SLC24A2: variants seen among roughly 807,000 people sequenced by gnomAD.
SLC24A2 encodes solute carrier family 24 member 2.
In SLC24A2, 36 loss-of-function variants were observed where a neutral mutation model predicts 62.0. The observed-to-expected ratio is 0.58, with a 90% confidence interval of 0.44 to 0.77. SLC24A2 has a LOEUF of 0.77. Among genes scored for constraint, SLC24A2 ranks in the 30% least tolerant of loss-of-function variants. The probability of loss-of-function intolerance (pLI) is 0.00; values close to 1 mark genes in which losing one functional copy is unlikely to be tolerated. For synonymous variants in SLC24A2, 358 were observed against 294.0 expected (o/e 1.22, Z -2.23); for missense variants, 846 against 817.9 (o/e 1.03, Z -0.42).
chr9:19,628,455 T>C (rs1349082374), intron 2 of SLC24A2, among the ~76,000 whole-genome samples: 1 of 152,194 alleles, frequency 6.6e-6, no homozygotes, highest in Non-Finnish European at 1.5e-5. Context: ...CAGTGTTAAT[T>C]CACTTAATTT....
chr9:20,271,305 G>A, the SLC24A2 span, among the ~76,000 whole-genome samples: 2 of 152,202 alleles, frequency 1.3e-5, no homozygotes, highest in Non-Finnish European at 2.9e-5. Context: ...ATGTCTGACT[G>A]TAGATGTCAC....
At chr9:19,721,447 C>G (rs1382784948) in intron 2 of SLC24A2, among the ~76,000 whole-genome samples, 1 of 151,994 alleles carries the variant, frequency 6.6e-6, no homozygotes, top group East Asian at 1.9e-4. Flanking sequence ...GCACCAACAA[C>G]AAAAGAAGAG....
chr9:19,921,209 T>C, the SLC24A2 span, among the ~76,000 whole-genome samples: 1 of 152,148 alleles, frequency 6.6e-6, no homozygotes, highest in South Asian at 2.1e-4. Flanking sequence ...TTCTATAGTT[T>C]TACTATCTTC....
chr9:19,570,613 T>G (rs999819843), intron 7 of SLC24A2, among the ~76,000 whole-genome samples: 1 of 152,382 alleles, frequency 6.6e-6, no homozygotes. Context: ...GAATGGTGTT[T>G]TAATGATAAA....
chr9:19,768,739 G>T (rs534605582), intron 2 of SLC24A2, among the ~76,000 whole-genome samples: 2 of 152,292 alleles, frequency 1.3e-5, no homozygotes, highest in African/African-American at 4.8e-5. Flanking sequence ...TTTTCAGACT[G>T]TGGTTGACTG....
chr9:19,525,670 C>A (rs1259238791), intron 9 of SLC24A2, among the ~76,000 whole-genome samples: 1 of 151,400 alleles, frequency 6.6e-6, no homozygotes, highest in Non-Finnish European at 1.5e-5. Flanking sequence ...TCCCAAAGTG[C>A]TGGGACTACA....
intron 5 of SLC24A2, among the ~76,000 whole-genome samples, chr9:19,591,693 G>C (rs2209797): frequency 6.6e-6 from 1 of 152,154 alleles, no homozygotes; most frequent in Non-Finnish European, 1.5e-5. Context: ...AATCATATAC[G>C]AGGGTGGTGG....
chr9:19,769,169 A>T (rs954198393), intron 2 of SLC24A2, among the ~76,000 whole-genome samples: 5 of 152,174 alleles, frequency 3.3e-5, no homozygotes, highest in African/African-American at 1.2e-4. Context: ...CATTAAGTGC[A>T]ATTCCATTCT....
chr9:19,688,873 A>C (rs1252706979), intron 2 of SLC24A2, among the ~76,000 whole-genome samples: 1 of 152,136 alleles, frequency 6.6e-6, no homozygotes, highest in Non-Finnish European at 1.5e-5. Flanking sequence ...GAATAAATAC[A>C]GTCTCATAGT....
chr9:19,617,446 T>C (rs910156658), intron 4 of SLC24A2, among the ~76,000 whole-genome samples: 1 of 152,210 alleles, frequency 6.6e-6, no homozygotes, highest in Non-Finnish European at 1.5e-5. Flanking sequence ...TAAATAGGTA[T>C]CTATATTCAT....
chr9:19,981,933 A>G, the SLC24A2 span, among the ~76,000 whole-genome samples: 1 of 152,214 alleles, frequency 6.6e-6, no homozygotes, highest in East Asian at 1.9e-4. Context: ...GAGATTAACC[A>G]GTCAGATGGT....
chr9:20,241,510 T>G, the SLC24A2 span, among the ~76,000 whole-genome samples: 1,683 of 152,310 alleles, frequency 0.011, 32 homozygotes, highest in African/African-American at 0.038. Context: ...TATGAGAGTA[T>G]TACTTAATTG....
chr9:19,902,862 T>C, the SLC24A2 span, among the ~76,000 whole-genome samples: 1 of 152,180 alleles, frequency 6.6e-6, no homozygotes, highest in Non-Finnish European at 1.5e-5. Flanking sequence ...AGATATAACA[T>C]ATTTGACATA....
At chr9:19,942,224 C>T in the SLC24A2 span, among the ~76,000 whole-genome samples, 52,010 of 151,868 alleles carry the variant, frequency 0.34, 9,042 homozygotes, top group South Asian at 0.44. Flanking sequence ...TTCTAAACCC[C>T]GAGAATGCAT....
the SLC24A2 span, among the ~76,000 whole-genome samples, chr9:20,107,502 G>A: frequency 6.6e-6 from 1 of 152,088 alleles, no homozygotes; most frequent in South Asian, 2.1e-4. Flanking sequence ...CAGAGATATA[G>A]ATCAATGGAA....
intron 2 of SLC24A2, among the ~76,000 whole-genome samples, chr9:19,626,214 G>A (rs1234429974): frequency 6.6e-6 from 1 of 152,124 alleles, no homozygotes; most frequent in Non-Finnish European, 1.5e-5. Flanking sequence ...TTTGTACATA[G>A]CCTTTCACCA....
chr9:20,053,133 G>C, the SLC24A2 span, among the ~76,000 whole-genome samples: 4 of 152,270 alleles, frequency 2.6e-5, no homozygotes, highest in East Asian at 7.7e-4. Flanking sequence ...AGTTAGTAAT[G>C]ATGTGTTTGT....
the SLC24A2 span, among the ~76,000 whole-genome samples, chr9:19,960,013 A>C: frequency 6.6e-6 from 1 of 152,222 alleles, no homozygotes; most frequent in African/African-American, 2.4e-5. Context: ...AAGCACACCA[A>C]GAATTACAAC....
the SLC24A2 span, among the ~76,000 whole-genome samples, chr9:19,795,901 C>A: frequency 9.1e-3 from 1,384 of 151,384 alleles, 6 homozygotes; most frequent in Middle Eastern, 0.021. Flanking sequence ...CTGGATTAAG[C>A]AAATGTGGCA....
Sources: gnomAD v4.1 joint callset for allele counts (sites outside exome capture counted in the v4.1 genomes callset) on GRCh38, gnomAD v4.1.1 for gene constraint, MANE v1.5 for transcripts, NCBI Gene and HGNC (gene_info 2026-07-23, HGNC 2026-07-21) for gene names.